Variants in GRM4 observed in about 807,000 individuals in gnomAD.
GRM4 encodes glutamate metabotropic receptor 4.
A neutral mutation model predicts 81.7 loss-of-function variants in GRM4; 28 were observed. That is an observed-to-expected ratio of 0.34 (90% CI 0.25 to 0.47). The LOEUF (loss-of-function observed/expected upper bound fraction) is 0.47, where lower values mean the gene tolerates loss of function less well. Ranked by LOEUF, GRM4 falls within the 20% of genes least tolerant of loss-of-function variation. The pLI, the probability that GRM4 is intolerant of heterozygous loss-of-function variation, is 1.00. For missense variants in GRM4, 948 were observed against 1,290.0 expected, an observed-to-expected ratio of 0.73 and a Z score of 4.06; for synonymous variants, 488 against 528.8, an observed-to-expected ratio of 0.92 and a Z score of 1.06.
Position 34,056,388 on chromosome 6 carries a change from G to A in GRM4, c.1168+156C>T, listed in dbSNP as rs3734361. 0.19 allele frequency: 118,554 copies of A among 619,812 alleles called. 13,662 individuals carry two copies. Among genetic ancestry groups the A allele is most frequent in the African/African-American group, 0.39 (20,691 of 53,276 alleles). The allele number at this position is 619,812 out of a possible 1,614,324, so 38.4% of individuals were successfully genotyped here. A position where few individuals can be genotyped will look rare whatever the true frequency, so the allele number is the denominator to read the frequency against. On this transcript the variant is annotated intron_variant, in intron 6 of 10. Transcript: ENST00000538487. ...CCCGCCCCTCAAGGCCCCGCCCCAGGCCTCCCAACTCCACCCCAGGTGCAG... is the reference window on the plus strand; with the variant it reads ...CCCGCCCCTCAAGGCCCCGCCCCAGACCTCCCAACTCCACCCCAGGTGCAG...
At chr6:34,041,275 C>T (rs983364571) in intron 6 of GRM4, among the ~76,000 whole-genome samples, 4 of 152,156 alleles carry the variant, frequency 2.6e-5, no homozygotes, top group African/African-American at 9.7e-5. Context: ...GGTAGGGAAA[C>T]TGAGGCCCAG....
rs559006246 is a variant in GRM4, at chr6:34,067,590, C to T, written c.737-5562G>A. On this transcript the variant is annotated intron_variant, in intron 3 of 10. Transcript: ENST00000538487. Reference sequence around the variant, plus strand: ...CCTTCCTCTCTCCCTCCTTTCCTCCCTCCCTTTCTTCCTCCCTTCATGCCT... The same window carrying T: ...CCTTCCTCTCTCCCTCCTTTCCTCCTTCCCTTTCTTCCTCCCTTCATGCCT... 7.6e-3 allele frequency among the ~76,000 whole-genome samples: 1,103 copies of T among 145,022 alleles called. 8 individuals are homozygous for T. Among genetic ancestry groups the T allele is most frequent in the Non-Finnish European group, 0.011 (766 of 67,022 alleles).
intron 9 of GRM4, among the ~76,000 whole-genome samples, chr6:34,029,604 C>T (rs1353978411): frequency 2.6e-5 from 4 of 152,210 alleles, no homozygotes; most frequent in Non-Finnish European, 5.9e-5. Flanking sequence ...AGCCATAGGG[C>T]CTAAAAGGAG....
chr6:34,072,203 A>AC (rs1458371157), intron 3 of GRM4, among the ~76,000 whole-genome samples: 12 of 27,732 alleles, frequency 4.3e-4, no homozygotes, highest in South Asian at 4.0e-3. Flanking sequence ...ACAGACACAC[A>AC]ATCACCACAA....
In GRM4 at chr6:34,133,518, A is replaced by G; in HGVS notation, c.-22T>C. 6.5e-7 allele frequency: 1 copy of G among 1,531,244 alleles called. No homozygotes were observed. Among genetic ancestry groups the G allele is most frequent in the Non-Finnish European group, 8.8e-7 (1 of 1,141,758 alleles). 94.9% of individuals were successfully genotyped at this position (1,531,244 alleles called of 1,614,324 possible). On this transcript the variant is annotated 5_prime_UTR_variant, in exon 2 of 11. An upstream start codon of the reference 5' UTR is lost. Coordinates refer to ENST00000538487, the MANE Select transcript of GRM4 (RefSeq NM_000841.4). This position sits in a 1 kb window ranked among gnomAD's most constrained non-coding sequence, Gnocchi z 6.5. ...GCATCTCGGAAATCCCTAGAGACCC[A>G]TGAACGGCAGGCCCACTCCTAGCCC...
chr6:34,149,336 A>T (rs1771001811), upstream of GRM4, among the ~76,000 whole-genome samples: 1 of 152,170 alleles, frequency 6.6e-6, no homozygotes, highest in Non-Finnish European at 1.5e-5. Flanking sequence ...ATGGGTTTCA[A>T]TTTTGGTTTC....
intron 2 of GRM4, among the ~76,000 whole-genome samples, chr6:34,120,217 T>A (rs1769754976): frequency 6.6e-6 from 1 of 150,614 alleles, no homozygotes; most frequent in Admixed American, 6.6e-5. Context: ...GAAACCCATC[T>A]TTGAAGGAGA....
chr6:34,139,248 C>CA (rs1770584058), intron 1 of GRM4, among the ~76,000 whole-genome samples: 1 of 152,172 alleles, frequency 6.6e-6, no homozygotes, highest in Non-Finnish European at 1.5e-5. Context: ...CCTGTTCTGC[C>CA]AAAACAACAG....
At chr6:34,040,797 C>T (rs779438691) in intron 6 of GRM4, 49 bp from the exon 7 acceptor site, 5 of 1,492,284 alleles carry the variant, frequency 3.4e-6, no homozygotes, top group Non-Finnish European at 3.7e-6. Context: ...CCACTGTCCT[C>T]ACAGTGGTGT....
intron 2 of GRM4, among the ~76,000 whole-genome samples, chr6:34,125,634 C>T (rs769883628): frequency 7.9e-5 from 12 of 152,372 alleles, no homozygotes; most frequent in Non-Finnish European, 1.5e-4. Context: ...CCCAAGGGCA[C>T]GCAGAGGATT....
chr6:34,134,010 C>G (rs142839492), intron 1 of GRM4, among the ~76,000 whole-genome samples, 151 bp from the exon 2 acceptor site: 1 of 152,164 alleles, frequency 6.6e-6, no homozygotes, highest in Non-Finnish European at 1.5e-5. Flanking sequence ...TTCCTCTCCG[C>G]CATTGCTCAA....
intron 1 of GRM4, among the ~76,000 whole-genome samples, chr6:34,143,649 C>G (rs1002142442): frequency 7.2e-5 from 11 of 152,372 alleles, no homozygotes; most frequent in Admixed American, 5.2e-4. Flanking sequence ...TGAGGTTCAG[C>G]ATCCCATTGG....
chr6:34,150,866 G>A (rs1771030925), upstream of GRM4, among the ~76,000 whole-genome samples: 1 of 152,248 alleles, frequency 6.6e-6, no homozygotes, highest in African/African-American at 2.4e-5. Flanking sequence ...CAAAAAGAAG[G>A]GAGGGATGGT....
upstream of GRM4, among the ~76,000 whole-genome samples, chr6:34,149,649 G>A (rs1050927739): frequency 1.5e-4 from 23 of 152,178 alleles, no homozygotes; most frequent in African/African-American, 4.6e-4. Flanking sequence ...CAGCCTGCTC[G>A]GGACAGGCTG....
Position 34,069,078 on chromosome 6 carries a change from G to A in GRM4, c.737-7050C>T, listed in dbSNP as rs1424499107. Among the ~76,000 whole-genome samples, 1 of 152,038 alleles carries A rather than the reference G, an allele frequency of 6.6e-6. No individual in the cohort carries two copies. The highest frequency in any genetic ancestry group is 1.9e-4 in the East Asian group (1 of 5,176). On this transcript the variant is annotated intron_variant, in intron 3 of 10. Transcript: ENST00000538487. This position sits in a 1 kb window ranked among gnomAD's most constrained non-coding sequence, Gnocchi z 6.4. ...GTGGGGAGTTACACACAGGGACAGG[G>A]GCAGGAGAGCAGGTCCCCCCGGCTC...
chr6:34,142,382 C>T (rs1245977553), intron 1 of GRM4, among the ~76,000 whole-genome samples: 2 of 152,184 alleles, frequency 1.3e-5, no homozygotes, highest in South Asian at 2.1e-4. Context: ...GGTTCTAGAC[C>T]GAGCAGAGGA....
rs1343873087 is a variant in GRM4 at position 34,036,916 on chromosome 6, A to G, written c.1507-313T>C. ...AGAGTCACAGGAAACAACAGTGCAG[A>G]GCAAAGAGAACTCAAGAGTCCTGAC... On this transcript the variant is annotated intron_variant, in intron 8 of 10. Coordinates refer to ENST00000538487, the MANE Select transcript of GRM4 (RefSeq NM_000841.4). The surrounding 1 kb of genome is among the most constrained non-coding windows in gnomAD (Gnocchi z 9.0). Among the ~76,000 whole-genome samples, 1 of 152,232 alleles carries G rather than the reference A, an allele frequency of 6.6e-6. No homozygotes were observed. Among genetic ancestry groups the G allele is most frequent in the Non-Finnish European group, 1.5e-5 (1 of 68,038 alleles).
At chr6:34,128,698 C>T (rs140131733) in intron 2 of GRM4, among the ~76,000 whole-genome samples, 3 of 152,092 alleles carry the variant, frequency 2.0e-5, no homozygotes, top group South Asian at 2.1e-4. Context: ...TTTTAATCCC[C>T]GTGCTGTCCT....
intron 3 of GRM4, among the ~76,000 whole-genome samples, chr6:34,076,781 A>T (rs1359554864): frequency 6.6e-6 from 1 of 152,074 alleles, no homozygotes; most frequent in African/African-American, 2.4e-5. Flanking sequence ...GAGCTGAAGA[A>T]GTCCCCACCC....
Sources: allele counts gnomAD v4.1 joint callset (sites outside exome capture counted in the v4.1 genomes callset), GRCh38; gene constraint gnomAD v4.1.1; non-coding constraint Gnocchi (gnomAD v3.1); transcripts MANE v1.5; gene names NCBI Gene and HGNC (gene_info 2026-07-23, HGNC 2026-07-21).